Variants in CDKL2 observed in about 807,000 individuals in gnomAD.
CDKL2 encodes the protein cyclin-dependent kinase-like 2.
Under a neutral mutation model 63.9 loss-of-function variants are expected in CDKL2, and 64 were observed. The ratio of observed to expected loss-of-function variants is 1.00; its 90% CI spans 0.82 to 1.23. The LOEUF (loss-of-function observed/expected upper bound fraction) is 1.23. CDKL2 is among the 50% of genes most tolerant of loss of function. The probability of loss-of-function intolerance (pLI) is 0.00; values close to 1 mark genes in which losing one functional copy is unlikely to be tolerated. For missense variants in CDKL2, 656 were observed against 668.0 expected (o/e 0.98, Z 0.20); for synonymous variants, 211 against 229.2 (o/e 0.92, Z 0.72).
At position 75,600,644 on chromosome 4, in the gene CDKL2, G is replaced by T. The variant is rs555197908; in HGVS notation, c.796-275C>A. On this transcript the variant is annotated intron_variant, in intron 6 of 13. Coordinates refer to ENST00000307465, the MANE Select transcript of CDKL2 (RefSeq NM_001330724.2). ...CCAGCTAATTTTTGTATTTTTTGTA[G>T]AGACAGCGTTTCGCCATGTTGCCCA... 1.5e-4 allele frequency among the ~76,000 whole-genome samples: 23 copies of T among 152,056 alleles called. No homozygotes were observed. In the East Asian group the frequency reaches 3.9e-3, roughly 26 times the overall value.
rs1286117371 is a variant in CDKL2 at position 75,630,436 on chromosome 4, C to G, written c.-424G>C. ...ATTAGCTGGGTGAGAGGCACCACCT[C>G]CCAGCTCGTAAGGCGCCCAGTACCT... On this transcript the variant is annotated 5_prime_UTR_variant, in exon 1 of 14. Coordinates refer to ENST00000307465, the MANE Select transcript of CDKL2 (RefSeq NM_001330724.2). 1.3e-5 allele frequency: 2 copies of G among 152,512 alleles called. No homozygotes were observed. Among genetic ancestry groups the G allele is most frequent in the Non-Finnish European group, 2.9e-5 (2 of 68,178 alleles). The allele number at this position is 152,512 out of a possible 1,614,324, so 9.4% of individuals were successfully genotyped here.
intron 10 of CDKL2, among the ~76,000 whole-genome samples, chr4:75,594,651 C>G (rs746718167): frequency 6.6e-6 from 1 of 151,798 alleles, no homozygotes; most frequent in Non-Finnish European, 1.5e-5. Context: ...TAAAGGGAGG[C>G]ATAATGAGTT....
chr4:75,593,457 G>A (rs1354033154), intron 10 of CDKL2, among the ~76,000 whole-genome samples: 1 of 152,066 alleles, frequency 6.6e-6, no homozygotes. Context: ...GTTAAGGAAA[G>A]ACTCCACTGG....
At chr4:75,607,125 T>G (rs1332383456) in intron 4 of CDKL2, 58 bp downstream of exon 4, 1 of 1,351,152 alleles carries the variant, frequency 7.4e-7, no homozygotes, top group African/African-American at 1.5e-5. Context: ...ATAAACATAT[T>G]CCACTATAGC....
At chr4:75,587,880 G>A (rs547713753) in intron 12 of CDKL2, among the ~76,000 whole-genome samples, 64 of 149,250 alleles carry the variant, frequency 4.3e-4, no homozygotes, top group African/African-American at 1.5e-3. Flanking sequence ...CTCCAGCCTG[G>A]GCGACAGATC....
In CDKL2 at chr4:75,596,964, C is replaced by T. The variant is rs1420456221; in HGVS notation, c.1293G>A (p.Gly431=). 1 of 1,614,010 alleles carries T rather than the reference C, an allele frequency of 6.2e-7. No homozygotes were observed. The highest frequency in any genetic ancestry group is 1.1e-5 in the South Asian group (1 of 91,068). ...AVAPSINSGM[G]TETIPIQGYR... is the part of the protein sequence containing the mutation. ...AACCCTGAATTGGTATAGTCTCAGT[C>T]CCCATTCCAGAATTAATGCTGGGAG... The change falls in exon 9 of 14, where the codon GGG becomes GGA. Residue 431 remains glycine (G), a synonymous_variant. Coordinates refer to ENST00000307465, the MANE Select transcript of CDKL2 (RefSeq NM_001330724.2).
In CDKL2 at chr4:75,605,544, T is replaced by C. The variant is rs750404518; in HGVS notation, c.633A>G (p.Leu211=). The change falls in exon 5 of 14, where the codon CTA becomes CTG. Residue 211 remains leucine (L), a synonymous_variant. Coordinates refer to ENST00000307465, the MANE Select transcript of CDKL2 (RefSeq NM_001330724.2). The stretch of plus-strand genomic sequence containing the variant: ...TACCTAAACACATCATAATATGATA[T>C]AGCTGATCAATATCAGAATCTCCAG... The part of the protein sequence containing the change: ...LFPGDSDIDQ[L]YHIMMCLGNL... The C allele has an allele frequency of 1.9e-6, 3 of 1,605,888 alleles. No individual in the cohort carries two copies. The highest frequency in any genetic ancestry group is 2.2e-5 in the East Asian group (1 of 44,842).
chr4:75,628,742 T>C (rs981230023), intron 1 of CDKL2, among the ~76,000 whole-genome samples: 13 of 152,208 alleles, frequency 8.5e-5, no homozygotes, highest in African/African-American at 3.1e-4. Flanking sequence ...GGAACAGTGA[T>C]GCAAAGACAA....
chr4:75,614,351 A>G lies in CDKL2; in HGVS notation c.267T>C (p.Asp89=). 2 of 1,611,720 alleles carry G rather than the reference A, an allele frequency of 1.2e-6. No individual in the cohort carries two copies. Among genetic ancestry groups the G allele is most frequent in the South Asian group, 1.1e-5 (1 of 90,232 alleles). ...GTCCATTTGGAAAGAGCTCCAAGTCATCAAGAATTGTGTGGTCAACAAATT... is the reference window on the plus strand; with the variant it reads ...GTCCATTTGGAAAGAGCTCCAAGTCGTCAAGAATTGTGTGGTCAACAAATT... ...VFEFVDHTIL[D]DLELFPNGLD... Residue 89 remains aspartate, a synonymous_variant, in exon 3 of 14, where the codon GAT becomes GAC. Transcript: ENST00000307465.
chr4:75,621,190 C>A (rs1730140257), intron 2 of CDKL2, among the ~76,000 whole-genome samples: 1 of 151,740 alleles, frequency 6.6e-6, no homozygotes, highest in South Asian at 2.1e-4. Context: ...CCCACCTTGG[C>A]CTCCCAAAGT....
chr4:75,605,306 T>C (rs533789901), intron 5 of CDKL2, among the ~76,000 whole-genome samples: 1 of 152,038 alleles, frequency 6.6e-6, no homozygotes, highest in East Asian at 1.9e-4. Context: ...TGAGCCGAGA[T>C]TGCGCCATTG....
At chr4:75,622,470 C>T (rs532725463) in intron 2 of CDKL2, among the ~76,000 whole-genome samples, 2 of 151,836 alleles carry the variant, frequency 1.3e-5, no homozygotes, top group African/African-American at 4.8e-5. Flanking sequence ...CCTGTAATCC[C>T]AACACTTTGG....
chr4:75,581,790 G>C lies in CDKL2; in HGVS notation c.*23+20C>G, dbSNP rs774637960. On this transcript the variant is annotated intron_variant, in intron 13 of 13. Coordinates refer to ENST00000307465, the MANE Select transcript of CDKL2 (RefSeq NM_001330724.2). The stretch of plus-strand genomic sequence containing the variant: ...CCTGTGAAAGGCTGCACAGCTTTAA[G>C]TATGGGAAATCACACCTACCCAGTT... 9 of 1,381,216 alleles carry C rather than the reference G, an allele frequency of 6.5e-6. No individual in the cohort carries two copies. In the South Asian group the frequency reaches 8.3e-5, roughly 13 times the overall value. The allele number at this position is 1,381,216 out of a possible 1,614,324, so 85.6% of individuals were successfully genotyped here.
intron 12 of CDKL2, among the ~76,000 whole-genome samples, chr4:75,583,725 A>G (rs1728354000): frequency 1.3e-5 from 2 of 152,160 alleles, no homozygotes; most frequent in African/African-American, 4.8e-5. Context: ...GATGATGGAG[A>G]AATGGATGGG....
At chr4:75,611,741 G>A (rs1423997279) in intron 3 of CDKL2, among the ~76,000 whole-genome samples, 1 of 145,806 alleles carries the variant, frequency 6.9e-6, no homozygotes. Flanking sequence ...CGCAACCTCT[G>A]CCTCCCAGGT....
intron 2 of CDKL2, among the ~76,000 whole-genome samples, chr4:75,621,311 A>C (rs74834199): frequency 1.4e-5 from 2 of 147,134 alleles, no homozygotes; most frequent in Admixed American, 6.9e-5. Context: ...AAAAAAAAAA[A>C]CCCACACCTA....
chr4:75,606,230 C>G (rs61203608), intron 4 of CDKL2, among the ~76,000 whole-genome samples: 1 of 123,794 alleles, frequency 8.1e-6, no homozygotes, highest in East Asian at 6.9e-4. Context: ...TTTTTTTTTT[C>G]TTGAGACAGA....
chr4:75,583,710 T>C (rs1458761291), intron 12 of CDKL2, among the ~76,000 whole-genome samples: 3 of 152,132 alleles, frequency 2.0e-5, no homozygotes, highest in Non-Finnish European at 4.4e-5. Context: ...CCAACGTCTT[T>C]CCTGGATGAT....
chr4:75,628,490 A>G (rs900475853), intron 1 of CDKL2, among the ~76,000 whole-genome samples: 1 of 152,220 alleles, frequency 6.6e-6, no homozygotes, highest in African/African-American at 2.4e-5. Flanking sequence ...TGTTTTACCA[A>G]TGATTGACGA....
Sources: allele counts gnomAD v4.1 joint callset (sites outside exome capture counted in the v4.1 genomes callset), GRCh38; gene constraint gnomAD v4.1.1; transcripts MANE v1.5; gene names NCBI Gene and HGNC (gene_info 2026-07-23, HGNC 2026-07-21).